CABP1: variants seen among roughly 807,000 people sequenced by gnomAD.
The protein encoded by CABP1 is calcium binding protein 1.
A neutral mutation model predicts 34.3 loss-of-function variants in CABP1; 17 were observed. The ratio of observed to expected loss-of-function variants is 0.50; its 90% confidence interval spans 0.34 to 0.74. CABP1 has a LOEUF of 0.74. CABP1 is among the 30% of genes least tolerant of loss of function. The pLI, the probability that CABP1 is intolerant of heterozygous loss-of-function variation, is 0.01. For synonymous variants in CABP1, 198 were observed against 229.2 expected (o/e 0.86, Z 1.23); for missense variants, 373 against 511.1 (o/e 0.73, Z 2.61).
intron 1 of CABP1, among the ~76,000 whole-genome samples, chr12:120,657,002 C>A (rs1304841680): frequency 6.6e-6 from 1 of 152,144 alleles, no homozygotes; most frequent in Non-Finnish European, 1.5e-5. Flanking sequence ...GACTCAAGAG[C>A]CTCTTGTGCT....
chr12:120,679,585 T>C, the CABP1 span, among the ~76,000 whole-genome samples: 1 of 152,164 alleles, frequency 6.6e-6, no homozygotes, highest in African/African-American at 2.4e-5. Context: ...CTCAGCACTT[T>C]GAGAAGCCGA....
At chr12:120,676,433 CT>C in the CABP1 span, among the ~76,000 whole-genome samples, 43 of 147,484 alleles carry the variant, frequency 2.9e-4, no homozygotes, top group Admixed American at 3.4e-4. Context: ...TCTTCTTCTT[CT>C]TTTTTTTTTT....
chr12:120,655,509 C>T, intron 1 of CABP1: 5 of 1,127,922 alleles, frequency 4.4e-6, no homozygotes, highest in Non-Finnish European at 5.4e-6. Flanking sequence ...TTTATGTCAG[C>T]AATGGCACCT....
At chr12:120,643,584 T>C (rs973389711) in intron 1 of CABP1, among the ~76,000 whole-genome samples, 1 of 152,240 alleles carries the variant, frequency 6.6e-6, no homozygotes, top group African/African-American at 2.4e-5. Context: ...TCATTAAGTC[T>C]ATTTCTTTTT....
rs1171333456 is a variant in CABP1, at chr12:120,650,526, G to A, written c.654+9187G>A. 4 of 1,592,720 alleles carry A rather than the reference G, an allele frequency of 2.5e-6. No individual in the cohort carries two copies. The East Asian group carries it at 8.9e-5, about 36-fold the overall frequency. On this transcript the variant is annotated intron_variant, in intron 1 of 5. Transcript: ENST00000316803. ...TCACATCCGTCCTGGAGGAAGAACG[G>A]CACAGACGGAGGGAGGCTGGGGTTG...
chr12:120,669,260 C>T (rs1881167595), downstream of CABP1, among the ~76,000 whole-genome samples: 2 of 152,264 alleles, frequency 1.3e-5, no homozygotes, highest in African/African-American at 4.8e-5. Flanking sequence ...GGGCTGGGAG[C>T]TCCAAATTCA....
At position 120,641,317 on chromosome 12, in the gene CABP1, T is replaced by C; in HGVS notation, c.632T>C (p.Met211Thr). ...ADPFLHRLRP[M>T]LSSAFGQDRS... Reference sequence around the variant, plus strand: ...CCGTTCCTCCACCGGCTGCGCCCCATGCTCAGCTCCGCCTTTGGCCAGGTA... The same window carrying C: ...CCGTTCCTCCACCGGCTGCGCCCCACGCTCAGCTCCGCCTTTGGCCAGGTA... The change falls in exon 1 of 6, where the codon ATG becomes ACG. Residue 211 changes from methionine to threonine, a missense_variant. Transcript: ENST00000316803. This position sits in a 1 kb window ranked among gnomAD's most constrained non-coding sequence, Gnocchi z 6.7. 2 of 1,320,396 alleles carry C rather than the reference T, an allele frequency of 1.5e-6. No individual in the cohort carries two copies. The highest frequency in any genetic ancestry group is 1.9e-6 in the Non-Finnish European group (2 of 1,036,014). The allele number at this position is 1,320,396 out of a possible 1,614,324, so 81.8% of individuals were successfully genotyped here.
At chr12:120,655,560 T>G (rs2137348121) in intron 1 of CABP1, 1 of 1,243,784 alleles carries the variant, frequency 8.0e-7, no homozygotes, top group East Asian at 3.3e-5. Context: ...CCAAGCCTGG[T>G]CTCCATGCTG....
chr12:120,656,360 C>CCTG, intron 1 of CABP1: 1 of 1,261,256 alleles, frequency 7.9e-7, no homozygotes. Flanking sequence ...CTATACAGAG[C>CCTG]TCACACCCCC....
chr12:120,676,361 T>C, the CABP1 span, among the ~76,000 whole-genome samples: 1 of 152,114 alleles, frequency 6.6e-6, no homozygotes, highest in African/African-American at 2.4e-5. Flanking sequence ...TAGGACTCGT[T>C]ACCTCCCCAA....
At chr12:120,656,809 C>T (rs548272000) in intron 1 of CABP1, among the ~76,000 whole-genome samples, 10 of 152,268 alleles carry the variant, frequency 6.6e-5, no homozygotes, top group African/African-American at 2.2e-4. Context: ...GCAGGAGAAT[C>T]GCTTGAACCC....
rs576836817 is a variant in CABP1 at position 120,666,017 on chromosome 12, C to CAA, written c.1088-845_1088-844dup. Among the ~76,000 whole-genome samples the CAA allele has an allele frequency of 2.7e-4, 25 of 92,006 alleles. 1 individual carries two copies. The highest frequency in any genetic ancestry group is 6.3e-4 in the East Asian group (2 of 3,156). The allele number at this position is 92,006 out of a possible 152,430, so 60.4% of individuals were successfully genotyped here. On this transcript the variant is annotated intron_variant, in intron 5 of 5. Transcript: ENST00000316803. ...TAGGTGACAGAGCGAGACTCTGTCT[C>CAA]AAAAAAAAAAAAAAGAAAAGAGAGA...
At chr12:120,645,583 AC>A (rs1383193405) in intron 1 of CABP1, among the ~76,000 whole-genome samples, 1 of 152,204 alleles carries the variant, frequency 6.6e-6, no homozygotes, top group African/African-American at 2.4e-5. Flanking sequence ...TAATCCCAGC[AC>A]TTTGGGAAGC....
downstream of CABP1, among the ~76,000 whole-genome samples, chr12:120,670,513 C>T (rs1476912333): frequency 6.6e-6 from 1 of 152,086 alleles, no homozygotes; most frequent in Admixed American, 6.5e-5. Flanking sequence ...TTTGGGAGGC[C>T]GAGATGGGTG....
At chr12:120,669,562 T>C (rs1432951714), downstream of CABP1, among the ~76,000 whole-genome samples, 4 of 152,188 alleles carry the variant, frequency 2.6e-5, no homozygotes, top group African/African-American at 9.7e-5. Flanking sequence ...GTGGCAAGCC[T>C]GGCCAACATG....
chr12:120,660,134 T>C lies in CABP1; in HGVS notation c.686-62T>C. 2 of 1,598,040 alleles carry C rather than the reference T, an allele frequency of 1.3e-6. No homozygotes were observed. The highest frequency in any genetic ancestry group is 3.3e-4 in the Middle Eastern group (2 of 5,972). ...ATGCCGGTGGGCCTTTGGGCTGCCTTTGCCCACAGAGGCTCTGCGGGTCCT... is the reference window on the plus strand; with the variant it reads ...ATGCCGGTGGGCCTTTGGGCTGCCTCTGCCCACAGAGGCTCTGCGGGTCCT... On this transcript the variant is annotated intron_variant, in intron 2 of 5. Coordinates refer to ENST00000316803, the MANE Select transcript of CABP1 (RefSeq NM_001033677.2). The surrounding 1 kb of genome is among the most constrained non-coding windows in gnomAD (Gnocchi z 5.0).
chr12:120,645,081 A>G (rs181651554), intron 1 of CABP1, among the ~76,000 whole-genome samples: 8 of 152,334 alleles, frequency 5.3e-5, no homozygotes, highest in Admixed American at 1.3e-4. Context: ...CTGGGATTAC[A>G]GGAGTGAGCT....
downstream of CABP1, among the ~76,000 whole-genome samples, chr12:120,667,881 GTAGT>G (rs367839667): frequency 1.7e-4 from 26 of 152,300 alleles, no homozygotes; most frequent in East Asian, 2.3e-3. Context: ...ACTGAAGAAT[GTAGT>G]TAGTTATTTA....
chr12:120,645,805 G>A (rs1246004623), intron 1 of CABP1, among the ~76,000 whole-genome samples: 1 of 152,152 alleles, frequency 6.6e-6, no homozygotes, highest in Non-Finnish European at 1.5e-5. Flanking sequence ...CTCCAGCCTG[G>A]GTGACGGAGG....
Sources: allele counts gnomAD v4.1 joint callset (sites outside exome capture counted in the v4.1 genomes callset), GRCh38; gene constraint gnomAD v4.1.1; non-coding constraint Gnocchi (gnomAD v3.1); transcripts MANE v1.5; gene names NCBI Gene and HGNC (gene_info 2026-07-23, HGNC 2026-07-21).